The following PDE11A variants were observed in gnomAD, a reference collection of about 807,000 sequenced individuals.
PDE11A encodes the protein dual 3',5'-cyclic-AMP and -GMP phosphodiesterase 11A.
In PDE11A, 100 loss-of-function variants were observed where a neutral mutation model predicts 100.5. The observed-to-expected ratio is 1.00, with a 90% CI of 0.85 to 1.18. The LOEUF (loss-of-function observed/expected upper bound fraction) is 1.18, where lower values mean the gene tolerates loss of function less well. Among genes scored for constraint, PDE11A ranks in the 50% most tolerant of loss-of-function variants. PDE11A has a pLI of 0.00. For missense variants in PDE11A, 1,141 were observed against 1,152.6 expected, an observed-to-expected ratio of 0.99 and a Z score of 0.15; for synonymous variants, 381 against 420.8, an observed-to-expected ratio of 0.91 and a Z score of 1.16.
At chr2:177,712,786 G>T (rs1233741589) in intron 12 of PDE11A, among the ~76,000 whole-genome samples, 5 of 152,078 alleles carry the variant, frequency 3.3e-5, no homozygotes, top group Non-Finnish European at 7.4e-5. Flanking sequence ...CTTTTACTTT[G>T]TAAGTCTCCC....
chr2:177,718,287 G>C (rs1433759804), intron 12 of PDE11A, among the ~76,000 whole-genome samples: 1 of 152,234 alleles, frequency 6.6e-6, no homozygotes, highest in Non-Finnish European at 1.5e-5. Flanking sequence ...TACAAAGTAA[G>C]AGAGGTGGGA....
chr2:177,927,243 C>T (rs13398395), intron 2 of PDE11A, among the ~76,000 whole-genome samples: 5,819 of 152,266 alleles, frequency 0.038, 385 homozygotes, highest in African/African-American at 0.13. Flanking sequence ...TTCAGGTCAA[C>T]CTTTGCATTT....
chr2:178,021,181 C>T (rs1435312908), intron 1 of PDE11A, among the ~76,000 whole-genome samples: 5 of 151,966 alleles, frequency 3.3e-5, no homozygotes, highest in East Asian at 3.9e-4. Flanking sequence ...AGGCTGGTCT[C>T]GAACTCCTGA....
At chr2:177,792,168 T>C (rs1001301423) in intron 9 of PDE11A, among the ~76,000 whole-genome samples, 2 of 152,314 alleles carry the variant, frequency 1.3e-5, no homozygotes, top group East Asian at 1.9e-4. Flanking sequence ...TTCTTAATCA[T>C]ATAGGTTATT....
At chr2:178,014,701 A>G (rs549423245) in intron 1 of PDE11A, among the ~76,000 whole-genome samples, 1 of 152,332 alleles carries the variant, frequency 6.6e-6, no homozygotes, top group African/African-American at 2.4e-5. Flanking sequence ...ACCGCAACAC[A>G]TCAAAATTGG....
chr2:177,787,412 T>C (rs1216343353), intron 9 of PDE11A, among the ~76,000 whole-genome samples: 3 of 151,062 alleles, frequency 2.0e-5, no homozygotes, highest in Non-Finnish European at 3.0e-5. Flanking sequence ...AAGGAACAAC[T>C]GGTACCAGCC....
At chr2:177,769,261 G>T (rs2082278134) in intron 10 of PDE11A, 62 bp downstream of exon 10, 3 of 927,224 alleles carry the variant, frequency 3.2e-6, no homozygotes, top group Non-Finnish European at 5.4e-6. Context: ...ATGTGACAGA[G>T]CTCAGGAGGC....
At chr2:177,811,721 T>G (rs943330718) in intron 9 of PDE11A, among the ~76,000 whole-genome samples, 1 of 152,052 alleles carries the variant, frequency 6.6e-6, no homozygotes, top group Non-Finnish European at 1.5e-5. Flanking sequence ...GTTCTGTTTC[T>G]GACATGGTAA....
chr2:177,962,560 A>T (rs2085648029), intron 2 of PDE11A, among the ~76,000 whole-genome samples: 1 of 152,198 alleles, frequency 6.6e-6, no homozygotes, highest in African/African-American at 2.4e-5. Flanking sequence ...TCTAGATTTT[A>T]TGAAAGTAAT....
At chr2:178,074,153 G>T (rs2087174490), upstream of PDE11A, among the ~76,000 whole-genome samples, 1 of 152,076 alleles carries the variant, frequency 6.6e-6, no homozygotes, top group Non-Finnish European at 1.5e-5. Context: ...AATTTCATTT[G>T]TAAGAAATGT....
intron 19 of PDE11A, among the ~76,000 whole-genome samples, chr2:177,637,417 C>G (rs1419706918): frequency 6.6e-6 from 1 of 152,146 alleles, no homozygotes; most frequent in South Asian, 2.1e-4. Context: ...TTAGGCATGC[C>G]TGTAGCACAC....
intron 1 of PDE11A, chr2:178,105,515 A>T (rs1320498253): frequency 2.3e-5 from 6 of 255,370 alleles, no homozygotes; most frequent in Non-Finnish European, 4.5e-5. Flanking sequence ...TATAAAATAA[A>T]TTTTTTACAA....
chr2:177,845,779 G>A (rs1252780520), intron 5 of PDE11A, among the ~76,000 whole-genome samples: 7 of 152,354 alleles, frequency 4.6e-5, no homozygotes, highest in Admixed American at 6.5e-5. Context: ...CTGCAATCCC[G>A]GCACCTCGGG....
chr2:177,890,713 A>G (rs1298041486), intron 4 of PDE11A, among the ~76,000 whole-genome samples: 1 of 152,186 alleles, frequency 6.6e-6, no homozygotes, highest in African/African-American at 2.4e-5. Flanking sequence ...TCTCTTGCTA[A>G]GAGGTTGACT....
At chr2:177,852,945 A>T (rs76049286) in intron 5 of PDE11A, among the ~76,000 whole-genome samples, 4,162 of 152,308 alleles carry the variant, frequency 0.027, 186 homozygotes, top group African/African-American at 0.095. Flanking sequence ...GTGACCAAAG[A>T]ACACATTTTC....
At chr2:177,714,060 CTT>C (rs1254469000) in intron 12 of PDE11A, among the ~76,000 whole-genome samples, 5 of 125,142 alleles carry the variant, frequency 4.0e-5, no homozygotes, top group African/African-American at 1.6e-4. Context: ...GTGGCGCGAT[CTT>C]GGCTAACTGC....
intron 2 of PDE11A, among the ~76,000 whole-genome samples, chr2:178,083,052 T>G (rs1475401207): frequency 2.6e-5 from 4 of 152,042 alleles, no homozygotes; most frequent in African/African-American, 9.7e-5. Context: ...TAGTTAGGGC[T>G]AATTGAAAAA....
At chr2:177,901,418 G>A (rs761006918) in intron 3 of PDE11A, among the ~76,000 whole-genome samples, 9 of 152,118 alleles carry the variant, frequency 5.9e-5, no homozygotes, top group African/African-American at 1.2e-4. Flanking sequence ...ATAAAACTCC[G>A]GTGTCTGGCA....
chr2:177,690,845 T>C (rs904712467), intron 15 of PDE11A, among the ~76,000 whole-genome samples: 1 of 152,246 alleles, frequency 6.6e-6, no homozygotes, highest in Non-Finnish European at 1.5e-5. Context: ...TCTGAGGCAT[T>C]GTGTCATGGA....
Sources: allele counts gnomAD v4.1 joint callset (sites outside exome capture counted in the v4.1 genomes callset), GRCh38; gene constraint gnomAD v4.1.1; transcripts MANE v1.5; gene names NCBI Gene and HGNC (gene_info 2026-07-23, HGNC 2026-07-21).